ZC3H12B: variants seen among roughly 807,000 people sequenced by gnomAD.
ZC3H12B encodes zinc finger CCCH-type containing 12B, also known as probable ribonuclease ZC3H12B.
In ZC3H12B, 7 loss-of-function variants were observed where a neutral mutation model predicts 43.9. The observed-to-expected ratio is 0.16, with a 90% confidence interval of 0.09 to 0.30. ZC3H12B has a LOEUF of 0.30. Among genes scored for constraint, ZC3H12B ranks in the 10% least tolerant of loss-of-function variants. ZC3H12B has a pLI of 1.00. For missense variants in ZC3H12B, 475 were observed against 670.2 expected (o/e 0.71, Z 3.22); for synonymous variants, 222 against 241.7 (o/e 0.92, Z 0.76).
intron 2 of ZC3H12B, among the ~76,000 whole-genome samples, chrX:65,387,399 G>A (rs886202765): frequency 1.1e-4 from 12 of 111,630 alleles, no homozygotes; most frequent in East Asian, 5.6e-4. Context: ...TTATTTAATG[G>A]CCTCTTTGTC....
chrX:65,182,845 A>G, the ZC3H12B span, among the ~76,000 whole-genome samples: 1 of 112,359 alleles, frequency 8.9e-6, no homozygotes, highest in Non-Finnish European at 1.9e-5. Context: ...TAATTATTAG[A>G]GAAATGCAAA....
the ZC3H12B span, among the ~76,000 whole-genome samples, chrX:65,042,490 G>A: frequency 1.8e-5 from 2 of 112,603 alleles, no homozygotes; most frequent in Admixed American, 9.4e-5. Flanking sequence ...GAATACAAAT[G>A]TTTCTAATCT....
the ZC3H12B span, among the ~76,000 whole-genome samples, chrX:65,353,101 C>G: frequency 2.7e-5 from 3 of 110,558 alleles, no homozygotes; most frequent in Non-Finnish European, 5.7e-5. Flanking sequence ...AAGCTATCTG[C>G]CCCCCCGGCC....
the ZC3H12B span, among the ~76,000 whole-genome samples, chrX:65,140,512 G>T: frequency 1.8e-5 from 2 of 111,414 alleles, no homozygotes; most frequent in African/African-American, 6.5e-5. Context: ...TTTCATGGAG[G>T]ACTTTTTACA....
the ZC3H12B span, among the ~76,000 whole-genome samples, chrX:65,135,605 A>G: frequency 9.1e-6 from 1 of 109,401 alleles, no homozygotes; most frequent in Non-Finnish European, 1.9e-5. Context: ...TAAATTTGGG[A>G]TGTTTACAGC....
the ZC3H12B span, among the ~76,000 whole-genome samples, chrX:65,123,960 T>TA: frequency 6.3e-5 from 7 of 110,946 alleles, no homozygotes; most frequent in African/African-American, 2.3e-4. Context: ...ACTTCCTCGT[T>TA]ACTGATTTGG....
intron 2 of ZC3H12B, among the ~76,000 whole-genome samples, chrX:65,385,550 C>T (rs2066510916): frequency 8.9e-6 from 1 of 111,953 alleles, no homozygotes; most frequent in African/African-American, 3.2e-5. Context: ...AGATTTTGGG[C>T]TGAGATGATG....
chrX:65,258,445 A>G, the ZC3H12B span, among the ~76,000 whole-genome samples: 1 of 111,862 alleles, frequency 8.9e-6, no homozygotes, highest in South Asian at 3.7e-4. Flanking sequence ...CCTATGACAA[A>G]CCCACAGCCA....
At chrX:65,169,720 G>C in the ZC3H12B span, among the ~76,000 whole-genome samples, 5 of 112,007 alleles carry the variant, frequency 4.5e-5, no homozygotes, top group African/African-American at 1.6e-4. Flanking sequence ...GGGTGTTCCT[G>C]TATTGGGTGC....
chrX:65,235,162 C>A, the ZC3H12B span, among the ~76,000 whole-genome samples: 1 of 111,702 alleles, frequency 9.0e-6, no homozygotes, highest in East Asian at 2.8e-4. Context: ...CATATGCATG[C>A]ATGTATCTTT....
chrX:65,065,836 G>GT, the ZC3H12B span, among the ~76,000 whole-genome samples: 617 of 100,743 alleles, frequency 6.1e-3, 2 homozygotes, highest in Middle Eastern at 0.032. Flanking sequence ...GGCTTTGTTT[G>GT]TTTTTTTTTT....
chrX:65,202,142 A>AATATATATT, the ZC3H12B span, among the ~76,000 whole-genome samples: 39 of 67,764 alleles, frequency 5.8e-4, 2 homozygotes, highest in African/African-American at 5.4e-3. Flanking sequence ...TATTTTATAT[A>AATATATATT]ATATGAAATA....
At chrX:65,232,533 A>G in the ZC3H12B span, among the ~76,000 whole-genome samples, 1 of 112,168 alleles carries the variant, frequency 8.9e-6, no homozygotes, top group Middle Eastern at 4.6e-3. Context: ...TCGGTTTAAA[A>G]TAATTGCTTA....
chrX:65,262,917 T>A, the ZC3H12B span, among the ~76,000 whole-genome samples: 1 of 110,763 alleles, frequency 9.0e-6, no homozygotes, highest in Non-Finnish European at 1.9e-5. Context: ...TTATAATATA[T>A]GTTATAGGGA....
At chrX:65,392,220 C>G (rs985149261) in intron 2 of ZC3H12B, among the ~76,000 whole-genome samples, 1 of 111,514 alleles carries the variant, frequency 9.0e-6, no homozygotes, top group African/African-American at 3.3e-5. Context: ...CTCTGCCTGT[C>G]CACCAATCAT....
chrX:65,195,229 C>T, the ZC3H12B span, among the ~76,000 whole-genome samples: 1 of 110,301 alleles, frequency 9.1e-6, no homozygotes, highest in Non-Finnish European at 1.9e-5. Context: ...GATTTGTGGT[C>T]TTCTTTCTTT....
At chrX:65,322,243 G>T in the ZC3H12B span, among the ~76,000 whole-genome samples, 1 of 111,177 alleles carries the variant, frequency 9.0e-6, no homozygotes, top group African/African-American at 3.3e-5. Flanking sequence ...AATACAGCAA[G>T]AACTCACCCA....
chrX:65,370,598 C>A (rs770418716), intron 2 of ZC3H12B, among the ~76,000 whole-genome samples: 1 of 111,875 alleles, frequency 8.9e-6, no homozygotes, highest in Admixed American at 9.5e-5. Flanking sequence ...CTATATATCC[C>A]TAAGGAAAAA....
At chrX:65,146,197 GT>G in the ZC3H12B span, among the ~76,000 whole-genome samples, 1 of 110,675 alleles carries the variant, frequency 9.0e-6, no homozygotes, top group Non-Finnish European at 1.9e-5. Context: ...ATTTTTCTTT[GT>G]CTTTGTTGGA....
Sources: allele counts gnomAD v4.1 joint callset (sites outside exome capture counted in the v4.1 genomes callset), GRCh38; gene constraint gnomAD v4.1.1; transcripts MANE v1.5; gene names NCBI Gene and HGNC (gene_info 2026-07-23, HGNC 2026-07-21).